Variants in HTR2C observed in about 807,000 individuals in gnomAD.
HTR2C encodes the protein 5-hydroxytryptamine (serotonin) receptor 2C, G protein-coupled.
In HTR2C, 5 loss-of-function variants were observed where a neutral mutation model predicts 21.0. The observed-to-expected ratio is 0.24, with a 90% CI of 0.12 to 0.50. The LOEUF is 0.50. HTR2C is among the 20% of genes least tolerant of loss of function. The pLI is 0.98. For missense variants in HTR2C, 271 were observed against 371.2 expected, an observed-to-expected ratio of 0.73 and a Z score of 2.22; for synonymous variants, 150 against 145.3, an observed-to-expected ratio of 1.03 and a Z score of -0.23.
rs1929534983 is a variant in HTR2C at position 114,629,860 on chromosome X, A to AG, written c.-80+15984dup. ...GCATACCAGGCTAGGACAAAAGTCA[A>AG]GGGGGTATAGAGAAAGGCACTTGTT... On this transcript the variant is annotated intron_variant, in intron 2 of 5. Transcript: ENST00000276198. Among the ~76,000 whole-genome samples, 2 of 111,097 alleles carry AG rather than the reference A, an allele frequency of 1.8e-5. 1 individual carries two copies. Among genetic ancestry groups the AG allele is most frequent in the Admixed American group, 1.9e-4 (2 of 10,361 alleles).
At chrX:114,621,836 C>T (rs1186792015) in intron 2 of HTR2C, among the ~76,000 whole-genome samples, 2 of 111,935 alleles carry the variant, frequency 1.8e-5, no homozygotes, top group East Asian at 5.6e-4. Flanking sequence ...AAATGCATGT[C>T]TAAATAGTTT....
intron 2 of HTR2C, among the ~76,000 whole-genome samples, chrX:114,688,460 A>C (rs189570208): frequency 7.4e-4 from 83 of 112,036 alleles, no homozygotes; most frequent in African/African-American, 2.5e-3. Context: ...AAACATACAT[A>C]AGCAACCATG....
chrX:114,841,732 C>T (rs1190396070), intron 4 of HTR2C, among the ~76,000 whole-genome samples: 1 of 57,061 alleles, frequency 1.8e-5, no homozygotes, highest in Non-Finnish European at 3.7e-5. Context: ...CAGAGTGAGA[C>T]TCCGTCTCAA....
intron 1 of HTR2C, among the ~76,000 whole-genome samples, 182 bp from the exon 2 acceptor site, chrX:114,613,633 G>T (rs1235414067): frequency 9.0e-6 from 1 of 111,464 alleles, no homozygotes; most frequent in Non-Finnish European, 1.9e-5. Flanking sequence ...TTACATACCT[G>T]CTGTACTAAT....
intron 1 of HTR2C, among the ~76,000 whole-genome samples, chrX:114,599,015 G>C (rs961861999): frequency 2.6e-4 from 29 of 111,396 alleles, no homozygotes; most frequent in African/African-American, 9.1e-4. Flanking sequence ...ATGGTTCACT[G>C]CCTCTTGAAG....
chrX:114,774,475 A>G (rs1556438148), intron 4 of HTR2C, among the ~76,000 whole-genome samples: 1 of 112,061 alleles, frequency 8.9e-6, no homozygotes, highest in East Asian at 2.8e-4. Flanking sequence ...ATTTTATTGT[A>G]GTTACACCTT....
chrX:114,865,026 A>C (rs1309365480), intron 5 of HTR2C, among the ~76,000 whole-genome samples: 1 of 110,010 alleles, frequency 9.1e-6, no homozygotes, highest in Non-Finnish European at 1.9e-5. Context: ...CAGGATCATG[A>C]AAACATCCAT....
At chrX:114,788,561 C>A (rs1480289671) in intron 4 of HTR2C, among the ~76,000 whole-genome samples, 2 of 110,527 alleles carry the variant, frequency 1.8e-5, no homozygotes, top group African/African-American at 6.6e-5. Context: ...CTCACCTGGC[C>A]CCATGAGTAT....
intron 4 of HTR2C, among the ~76,000 whole-genome samples, chrX:114,755,198 C>T (rs2069799911): frequency 1.9e-5 from 2 of 106,201 alleles, no homozygotes; most frequent in Non-Finnish European, 3.9e-5. Flanking sequence ...TGAGATCGCA[C>T]CATTGCACTC....
chrX:114,812,351 G>A (rs1556452971), intron 4 of HTR2C, among the ~76,000 whole-genome samples: 1 of 110,840 alleles, frequency 9.0e-6, no homozygotes, highest in African/African-American at 3.3e-5. Flanking sequence ...CTTAACAAAC[G>A]AACATTATGA....
At chrX:114,800,985 A>G (rs1171345647) in intron 4 of HTR2C, among the ~76,000 whole-genome samples, 1 of 111,465 alleles carries the variant, frequency 9.0e-6, no homozygotes, top group African/African-American at 3.3e-5. Flanking sequence ...TAGGGAATAT[A>G]AGGCAGCAGT....
At chrX:114,723,558 CT>C (rs1933314019) in intron 2 of HTR2C, among the ~76,000 whole-genome samples, 1 of 108,707 alleles carries the variant, frequency 9.2e-6, no homozygotes, top group Non-Finnish European at 1.9e-5. Flanking sequence ...CTTCTGCTAG[CT>C]TTTGAATGTG....
At chrX:114,611,140 T>G (rs1002348197) in intron 1 of HTR2C, among the ~76,000 whole-genome samples, 2 of 111,984 alleles carry the variant, frequency 1.8e-5, no homozygotes, top group African/African-American at 6.5e-5. Flanking sequence ...CAAAAATAAA[T>G]TCTTCGTGAA....
At chrX:114,828,163 AT>A (rs2070693673) in intron 4 of HTR2C, among the ~76,000 whole-genome samples, 1 of 111,397 alleles carries the variant, frequency 9.0e-6, no homozygotes, top group African/African-American at 3.3e-5. Context: ...TTCAGATTAT[AT>A]AATTTATATG....
intron 5 of HTR2C, among the ~76,000 whole-genome samples, chrX:114,864,800 T>C (rs1449113541): frequency 2.7e-5 from 3 of 111,899 alleles, no homozygotes; most frequent in African/African-American, 9.7e-5. Context: ...AAAGACTTTA[T>C]TTCTACATTT....
intron 2 of HTR2C, among the ~76,000 whole-genome samples, chrX:114,657,341 T>C (rs1017856533): frequency 9.0e-6 from 1 of 111,125 alleles, no homozygotes; most frequent in Non-Finnish European, 1.9e-5. Context: ...TCTTAACTAC[T>C]TAATATTTTT....
chrX:114,656,014 T>C (rs1930769070), intron 2 of HTR2C, among the ~76,000 whole-genome samples: 1 of 111,279 alleles, frequency 9.0e-6, no homozygotes, highest in Non-Finnish European at 1.9e-5. Flanking sequence ...ATCCACTGGA[T>C]TGATTTCTGC....
chrX:114,692,840 G>C, intron 2 of HTR2C, among the ~76,000 whole-genome samples: 1 of 111,466 alleles, frequency 9.0e-6, no homozygotes, highest in Non-Finnish European at 1.9e-5. Flanking sequence ...TTCTTTGAAA[G>C]CCAATGGCTC....
At chrX:114,813,549 T>G (rs2070554729) in intron 4 of HTR2C, among the ~76,000 whole-genome samples, 1 of 111,913 alleles carries the variant, frequency 8.9e-6, no homozygotes, top group South Asian at 3.7e-4. Context: ...GAAAGCCAAA[T>G]GTAGGTACTC....
Sources: allele counts gnomAD v4.1 joint callset (sites outside exome capture counted in the v4.1 genomes callset), GRCh38; gene constraint gnomAD v4.1.1; transcripts MANE v1.5; gene names NCBI Gene and HGNC (gene_info 2026-07-23, HGNC 2026-07-21).